Variants in KMT2C observed in about 807,000 individuals in gnomAD.
KMT2C encodes histone-lysine N-methyltransferase 2C.
In KMT2C, 88 loss-of-function variants were observed where a neutral mutation model predicts 507.9. That is an observed-to-expected ratio of 0.17 (90% confidence interval 0.15 to 0.21). The LOEUF (loss-of-function observed/expected upper bound fraction) is 0.21. KMT2C is among the 10% of genes least tolerant of loss of function. The probability of loss-of-function intolerance (pLI) is 1.00; values close to 1 mark genes in which losing one functional copy is unlikely to be tolerated. For missense variants in KMT2C, 4,954 were observed against 5,957.8 expected, an observed-to-expected ratio of 0.83 and a Z score of 5.55; for synonymous variants, 2,049 against 2,080.8, an observed-to-expected ratio of 0.98 and a Z score of 0.42.
chr7:152,263,227 T>G, intron 8 of KMT2C, 97 bp from the exon 9 acceptor site: 1 of 971,590 alleles, frequency 1.0e-6, no homozygotes, highest in Admixed American at 2.4e-5. Flanking sequence ...AACTGCACAG[T>G]TCATAAATAC....
intron 42 of KMT2C, among the ~76,000 whole-genome samples, chr7:152,165,968 G>A (rs1308212431): frequency 2.0e-5 from 3 of 151,782 alleles, no homozygotes; most frequent in East Asian, 1.9e-4. Flanking sequence ...GATTACAGGC[G>A]TGAGCCACCG....
chr7:152,393,722 G>C (rs186824784), intron 1 of KMT2C, among the ~76,000 whole-genome samples: 2 of 152,004 alleles, frequency 1.3e-5, no homozygotes, highest in Non-Finnish European at 2.9e-5. Context: ...GAGAAACCCT[G>C]TCTCTACTAA....
chr7:152,271,056 TTAGA>T (rs1284406137), intron 7 of KMT2C, among the ~76,000 whole-genome samples: 14 of 152,266 alleles, frequency 9.2e-5, no homozygotes, highest in East Asian at 7.7e-4. Context: ...AACTTAATCC[TTAGA>T]TAGGAGGTAA....
At chr7:152,318,746 T>A (rs1312413914) in intron 3 of KMT2C, among the ~76,000 whole-genome samples, 2 of 148,506 alleles carry the variant, frequency 1.3e-5, no homozygotes, top group Non-Finnish European at 3.0e-5. Context: ...CAGGCAAACA[T>A]AAACCAAAAG....
rs530858406 is a variant in KMT2C at position 152,389,566 on chromosome 7, C to T, written c.162-30891G>A. ...AACTCTTGGCCTCAAGCAATCCTCC[C>T]AAGTAGCTGGGACTACAGGCATGCA... On this transcript the variant is annotated intron_variant, in intron 1 of 58. Coordinates refer to ENST00000262189, the MANE Select transcript of KMT2C (RefSeq NM_170606.3). Among the ~76,000 whole-genome samples, 4 of 152,118 alleles carry T rather than the reference C, an allele frequency of 2.6e-5. No homozygotes were observed. In the South Asian group the frequency reaches 6.2e-4, roughly 24 times the overall value.
intron 6 of KMT2C, among the ~76,000 whole-genome samples, chr7:152,296,443 A>AG (rs1223393625): frequency 1.3e-5 from 2 of 151,464 alleles, no homozygotes; most frequent in East Asian, 1.9e-4. Context: ...AAAAAAAAAA[A>AG]AAAGAGAGAG....
At chr7:152,202,834 TA>T (rs2129135389) in intron 26 of KMT2C, 99 bp downstream of exon 26, 2 of 1,008,038 alleles carry the variant, frequency 2.0e-6, no homozygotes, top group Non-Finnish European at 2.9e-6. Flanking sequence ...ACAAAACAAG[TA>T]AAACATTAAC....
At chr7:152,344,707 G>A (rs1226742541) in intron 2 of KMT2C, among the ~76,000 whole-genome samples, 1 of 152,178 alleles carries the variant, frequency 6.6e-6, no homozygotes, top group African/African-American at 2.4e-5. Flanking sequence ...CAAAAGGCAG[G>A]CTGGGCATGG....
intron 1 of KMT2C, among the ~76,000 whole-genome samples, chr7:152,364,655 T>C (rs956019949): frequency 1.3e-5 from 2 of 149,460 alleles, no homozygotes; most frequent in African/African-American, 2.5e-5. Context: ...AAATTTCACA[T>C]TGAAAAGTTA....
At chr7:152,281,658 G>T (rs76962511) in intron 6 of KMT2C, among the ~76,000 whole-genome samples, 5,743 of 82,918 alleles carry the variant, frequency 0.069, no homozygotes, top group Non-Finnish European at 0.11. Flanking sequence ...GTTGAACCCA[G>T]GAGGTAGAGG....
intron 27 of KMT2C, among the ~76,000 whole-genome samples, chr7:152,197,544 A>G (rs1281847277): frequency 6.6e-6 from 1 of 152,168 alleles, no homozygotes; most frequent in African/African-American, 2.4e-5. Flanking sequence ...AGAGAAAATT[A>G]TTTCAATAAT....
At chr7:152,338,973 T>C (rs1301958494) in intron 2 of KMT2C, among the ~76,000 whole-genome samples, 1 of 152,164 alleles carries the variant, frequency 6.6e-6, no homozygotes, top group Non-Finnish European at 1.5e-5. Flanking sequence ...TTCACAGAAA[T>C]AAAGCATTTT....
intron 52 of KMT2C, among the ~76,000 whole-genome samples, chr7:152,147,707 C>CAAAAAAAAAAAAA (rs762588729): frequency 3.6e-4 from 17 of 46,648 alleles, no homozygotes; most frequent in East Asian, 1.0e-3. Context: ...AACTCCGTCT[C>CAAAAAAAAAAAAA]AAAAAAAAAA....
At chr7:152,211,586 CT>C (rs1304909516) in intron 23 of KMT2C, among the ~76,000 whole-genome samples, 1 of 152,174 alleles carries the variant, frequency 6.6e-6, no homozygotes, top group Non-Finnish European at 1.5e-5. Context: ...CAAGAGAGCA[CT>C]TTTATTGATG....
At chr7:152,216,759 A>AT (rs2094594238) in intron 23 of KMT2C, among the ~76,000 whole-genome samples, 1 of 152,240 alleles carries the variant, frequency 6.6e-6, no homozygotes, top group Admixed American at 6.5e-5. Flanking sequence ...CAACACAGGC[A>AT]TAATTTCTTA....
chr7:152,380,268 A>C (rs1412983213), intron 1 of KMT2C, among the ~76,000 whole-genome samples: 1 of 130,324 alleles, frequency 7.7e-6, no homozygotes, highest in East Asian at 2.4e-4. Flanking sequence ...AAAACAAAAA[A>C]CAAAACAAAA....
At chr7:152,370,870 G>A (rs1346165610) in intron 1 of KMT2C, among the ~76,000 whole-genome samples, 3 of 152,172 alleles carry the variant, frequency 2.0e-5, no homozygotes, top group Non-Finnish European at 4.4e-5. Flanking sequence ...CTGCTTTCAT[G>A]CTACAATAGC....
At chr7:152,369,401 T>C (rs2097274875) in intron 1 of KMT2C, among the ~76,000 whole-genome samples, 1 of 151,340 alleles carries the variant, frequency 6.6e-6, no homozygotes, top group African/African-American at 2.4e-5. Flanking sequence ...TTTTAAAAAC[T>C]CAAATCAAAA....
chr7:152,237,108 C>G (rs1318368088), intron 15 of KMT2C, among the ~76,000 whole-genome samples: 6 of 152,248 alleles, frequency 3.9e-5, no homozygotes, highest in African/African-American at 1.4e-4. Flanking sequence ...TGGCACCTCC[C>G]TAAGTAGATG....
Sources: allele counts gnomAD v4.1 joint callset (sites outside exome capture counted in the v4.1 genomes callset), GRCh38; gene constraint gnomAD v4.1.1; transcripts MANE v1.5; gene names NCBI Gene and HGNC (gene_info 2026-07-23, HGNC 2026-07-21).